Variants in RAB11FIP2 observed in about 807,000 individuals in gnomAD.
The protein encoded by RAB11FIP2 is RAB11 family interacting protein 2, also known as rab11 family-interacting protein 2.
A neutral mutation model predicts 40.9 loss-of-function variants in RAB11FIP2; 16 were observed. That is an observed-to-expected ratio of 0.39 (90% CI 0.26 to 0.59). The LOEUF (loss-of-function observed/expected upper bound fraction) is 0.59. RAB11FIP2 is among the 20% of genes least tolerant of loss of function. The probability of loss-of-function intolerance (pLI) is 0.53; values close to 1 mark genes in which losing one functional copy is unlikely to be tolerated. For missense variants in RAB11FIP2, 532 were observed against 606.2 expected, an observed-to-expected ratio of 0.88 and a Z score of 1.28; for synonymous variants, 228 against 213.7, an observed-to-expected ratio of 1.07 and a Z score of -0.58.
chr10:118,043,139 G>A (rs1846582601), intron 1 of RAB11FIP2, among the ~76,000 whole-genome samples: 1 of 151,966 alleles, frequency 6.6e-6, no homozygotes, highest in South Asian at 2.1e-4. Flanking sequence ...GCACACATAT[G>A]GGAACTATTC....
chr10:118,039,520 T>C (rs1846526933), intron 2 of RAB11FIP2, 80 bp from the exon 3 acceptor site: 3 of 1,233,826 alleles, frequency 2.4e-6, no homozygotes, highest in Admixed American at 4.4e-5. Flanking sequence ...TGCATTCTGC[T>C]GCTTTTAGAA....
At chr10:118,023,735 C>A (rs942718876) in intron 3 of RAB11FIP2, among the ~76,000 whole-genome samples, 10 of 152,072 alleles carry the variant, frequency 6.6e-5, no homozygotes, top group African/African-American at 2.4e-4. Flanking sequence ...GATTTAAAGA[C>A]ATCAATGAAA....
intron 4 of RAB11FIP2, among the ~76,000 whole-genome samples, chr10:118,011,444 A>G (rs1846154578): frequency 6.6e-6 from 1 of 152,004 alleles, no homozygotes; most frequent in Non-Finnish European, 1.5e-5. Flanking sequence ...ATTGGTCATA[A>G]TATATAGTTT....
intron 1 of RAB11FIP2, among the ~76,000 whole-genome samples, chr10:118,043,109 A>AG (rs1027720780): frequency 1.3e-5 from 2 of 152,160 alleles, no homozygotes; most frequent in Non-Finnish European, 2.9e-5. Context: ...TAGTGGGCAC[A>AG]GGTCCATGTT....
chr10:118,023,225 GT>G (rs1354023230), intron 3 of RAB11FIP2, among the ~76,000 whole-genome samples: 2 of 152,058 alleles, frequency 1.3e-5, no homozygotes, highest in Non-Finnish European at 2.9e-5. Flanking sequence ...ACATGTTGAA[GT>G]TTTTGTTTTT....
Position 118,009,097 on chromosome 10 carries a change from G to A in RAB11FIP2, c.1440C>T (p.Tyr480=), listed in dbSNP as rs77914264. Residue 480 remains tyrosine (Y), a synonymous_variant, in exon 5 of 5, where the codon TAC becomes TAT. Coordinates refer to ENST00000355624, the MANE Select transcript of RAB11FIP2 (RefSeq NM_014904.3). ...KDTHIRELED[Y]IDNLLVRVME... is the part of the protein sequence containing the mutation. Reference sequence around the variant, plus strand: ...TTACCCTTACAAGGAGGTTGTCGATGTAGTCCTCGAGTTCCCGGATGTGGG... The same window carrying A: ...TTACCCTTACAAGGAGGTTGTCGATATAGTCCTCGAGTTCCCGGATGTGGG... 1.2e-3 allele frequency: 1,940 copies of A among 1,613,632 alleles called. 25 individuals carry two copies. The African/African-American group carries it at 0.023, about 19-fold the overall frequency.
intron 3 of RAB11FIP2, among the ~76,000 whole-genome samples, chr10:118,020,779 T>C (rs139045232): frequency 6.6e-6 from 1 of 152,318 alleles, no homozygotes; most frequent in Non-Finnish European, 1.5e-5. Context: ...GAGTGTGTCA[T>C]TTGTTTCCTA....
chr10:118,034,178 C>G, intron 3 of RAB11FIP2: 1 of 635,928 alleles, frequency 1.6e-6, no homozygotes, highest in Admixed American at 2.1e-5. Flanking sequence ...AAACTGGCAG[C>G]AAGCCAGATT....
At chr10:118,013,927 T>C (rs966537316) in intron 4 of RAB11FIP2, among the ~76,000 whole-genome samples, 2 of 152,148 alleles carry the variant, frequency 1.3e-5, no homozygotes, top group African/African-American at 4.8e-5. Context: ...TTGTTTGAGA[T>C]TAAGTAACCG....
intron 3 of RAB11FIP2, among the ~76,000 whole-genome samples, chr10:118,017,281 A>G (rs1846232967): frequency 6.6e-6 from 1 of 152,238 alleles, no homozygotes; most frequent in Non-Finnish European, 1.5e-5. Context: ...TATAGGCCAC[A>G]TAGATGAATC....
intron 4 of RAB11FIP2, among the ~76,000 whole-genome samples, chr10:118,011,601 C>CTGCATAAATT (rs1846156777): frequency 6.6e-6 from 1 of 152,012 alleles, no homozygotes; most frequent in Admixed American, 6.6e-5. Context: ...TCGAGTAATT[C>CTGCATAAATT]TGCATAAATT....
At chr10:118,019,533 G>C (rs534499894) in intron 3 of RAB11FIP2, among the ~76,000 whole-genome samples, 1 of 152,174 alleles carries the variant, frequency 6.6e-6, no homozygotes, top group South Asian at 2.1e-4. Context: ...TAGAGACTTG[G>C]GGATTCACGG....
intron 3 of RAB11FIP2, among the ~76,000 whole-genome samples, chr10:118,037,320 T>C (rs1589647110): frequency 6.6e-6 from 1 of 152,122 alleles, no homozygotes; most frequent in Admixed American, 6.6e-5. Flanking sequence ...TTTTAAACCA[T>C]GGCAAATATC....
rs540810390 is a variant in RAB11FIP2 at position 118,006,932 on chromosome 10, G to C, written c.*2066C>G. 4 of 152,460 alleles carry C rather than the reference G, an allele frequency of 2.6e-5. No individual in the cohort carries two copies. The highest frequency in any genetic ancestry group is 9.6e-5 in the African/African-American group (4 of 41,516). The allele number at this position is 152,460 out of a possible 1,614,324, so 9.4% of individuals were successfully genotyped here. On this transcript the variant is annotated 3_prime_UTR_variant, in exon 5 of 5. Transcript: ENST00000355624. ...CAGTACTTGAACCATACTTTTAAAT[G>C]AGTTCTATTTATGTAAAACATATCC...
chr10:118,016,237 T>C (rs1460149732), intron 3 of RAB11FIP2, among the ~76,000 whole-genome samples: 3 of 152,190 alleles, frequency 2.0e-5, no homozygotes, highest in African/African-American at 7.2e-5. Context: ...CTTTTCTAAC[T>C]AGAACTCCTG....
At chr10:118,028,074 G>A (rs1846366805) in intron 3 of RAB11FIP2, among the ~76,000 whole-genome samples, 1 of 152,036 alleles carries the variant, frequency 6.6e-6, no homozygotes, top group Non-Finnish European at 1.5e-5. Flanking sequence ...CATAGCTGGT[G>A]TGGCTAGGAC....
At position 118,029,171 on chromosome 10, in the gene RAB11FIP2, A is replaced by G. The variant is rs192443368; in HGVS notation, c.1265+9801T>C. Among the ~76,000 whole-genome samples, 4 of 152,200 alleles carry G rather than the reference A, an allele frequency of 2.6e-5. No individual in the cohort carries two copies. In the East Asian group the frequency reaches 7.7e-4, roughly 29 times the overall value. ...CATTAAACTTAAGACACCAGCTGAA[A>G]ACATACCATTGGAATAGTTTTTATT... On this transcript the variant is annotated intron_variant, in intron 3 of 4. Coordinates refer to ENST00000355624, the MANE Select transcript of RAB11FIP2 (RefSeq NM_014904.3).
intron 1 of RAB11FIP2, among the ~76,000 whole-genome samples, chr10:118,044,069 A>C (rs2133185487): frequency 6.6e-6 from 1 of 152,336 alleles, no homozygotes; most frequent in Non-Finnish European, 1.5e-5. Flanking sequence ...AATTTTATAT[A>C]ATAGCCAGTA....
At chr10:118,037,154 A>G (rs1846492415) in intron 3 of RAB11FIP2, among the ~76,000 whole-genome samples, 1 of 152,144 alleles carries the variant, frequency 6.6e-6, no homozygotes, top group Admixed American at 6.6e-5. Flanking sequence ...ATTTACCCAT[A>G]TAAGATTTAA....
Sources: gnomAD v4.1 joint callset for allele counts (sites outside exome capture counted in the v4.1 genomes callset) on GRCh38, gnomAD v4.1.1 for gene constraint, MANE v1.5 for transcripts, NCBI Gene and HGNC (gene_info 2026-07-23, HGNC 2026-07-21) for gene names.